HERC1: variants seen among roughly 807,000 people sequenced by gnomAD.
HERC1 encodes probable E3 ubiquitin-protein ligase HERC1.
Under a neutral mutation model 554.3 loss-of-function variants are expected in HERC1, and 160 were observed. The observed-to-expected ratio is 0.29, with a 90% confidence interval of 0.25 to 0.33. The LOEUF (loss-of-function observed/expected upper bound fraction) is 0.33, where lower values mean the gene tolerates loss of function less well. Among genes scored for constraint, HERC1 ranks in the 10% least tolerant of loss-of-function variants. The pLI is 1.00. For synonymous variants in HERC1, 2,175 were observed against 2,131.7 expected (o/e 1.02, Z -0.56); for missense variants, 4,919 against 5,918.5 (o/e 0.83, Z 5.54).
At position 63,612,885 on chromosome 15, in the gene HERC1, T is replaced by C. The variant is rs1194584062; in HGVS notation, c.14095-329A>G. Among the ~76,000 whole-genome samples the C allele has an allele frequency of 1.3e-5, 2 of 152,218 alleles. No homozygotes were observed. The highest frequency in any genetic ancestry group is 2.9e-5 in the Non-Finnish European group (2 of 68,044). On this transcript the variant is annotated intron_variant, in intron 76 of 77. Transcript: ENST00000443617. The surrounding 1 kb of genome is among the most constrained non-coding windows in gnomAD (Gnocchi z 5.0). ...CCCCACTCACTCATATTCCTAATCA[T>C]ATGTGCCCATGTGCTGTCAAACTAT... is the stretch of plus-strand genomic sequence containing the variant.
intron 74 of HERC1, among the ~76,000 whole-genome samples, chr15:63,620,252 C>T (rs2068015049): frequency 6.6e-6 from 1 of 152,062 alleles, no homozygotes; most frequent in South Asian, 2.1e-4. Context: ...TCATTATGTA[C>T]CCAGTAGTCA....
chr15:63,786,391 G>A (rs2076447089), intron 1 of HERC1, among the ~76,000 whole-genome samples: 1 of 151,512 alleles, frequency 6.6e-6, no homozygotes, highest in Non-Finnish European at 1.5e-5. Flanking sequence ...CCAACAATTC[G>A]ACTCCTAGAT....
intron 2 of HERC1, among the ~76,000 whole-genome samples, chr15:63,767,630 G>A (rs920865475): frequency 1.3e-5 from 2 of 152,010 alleles, no homozygotes; most frequent in African/African-American, 2.4e-5. Context: ...CCCAGGAGGC[G>A]GAGGCTGCAG....
At chr15:63,686,335 A>G (rs778368230) in intron 34 of HERC1, 24 bp downstream of exon 34, 4 of 1,543,056 alleles carry the variant, frequency 2.6e-6, no homozygotes, top group African/African-American at 1.4e-5. Flanking sequence ...CAAAATGCTA[A>G]AAACTATTAG....
At chr15:63,782,030 C>T (rs1337317946) in intron 1 of HERC1, among the ~76,000 whole-genome samples, 1 of 152,162 alleles carries the variant, frequency 6.6e-6, no homozygotes, top group Non-Finnish European at 1.5e-5. Flanking sequence ...AGCAGAGGTT[C>T]ACTCATGAGG....
intron 74 of HERC1, among the ~76,000 whole-genome samples, chr15:63,622,217 T>G (rs1200330342): frequency 6.6e-6 from 1 of 152,170 alleles, no homozygotes; most frequent in Non-Finnish European, 1.5e-5. Context: ...ATGTGGGCCT[T>G]CAGAAACATA....
intron 60 of HERC1, among the ~76,000 whole-genome samples, chr15:63,640,948 G>C (rs2069024334): frequency 6.6e-6 from 1 of 152,132 alleles, no homozygotes; most frequent in African/African-American, 2.4e-5. Context: ...TGGAAGACAG[G>C]CTACTTTAGG....
In HERC1 at chr15:63,626,063, G is replaced by T; in HGVS notation, c.13197C>A (p.Ala4399=). The T allele has an allele frequency of 6.2e-7, 1 of 1,613,512 alleles. No individual in the cohort carries two copies. Among genetic ancestry groups the T allele is most frequent in the Non-Finnish European group, 8.5e-7 (1 of 1,179,688 alleles). The change falls in exon 71 of 78, where the codon GCC becomes GCA. Residue 4399 remains alanine (A), a synonymous_variant. Transcript: ENST00000443617. The part of the protein sequence containing the change: ...LREVSIHTVR[A]RLRLLYHFSD... ...AGAAGTGGTAGAGCAGCCGGAGCCT[G>T]GCCCGCACCGTGTGAATGCTGACTT...
chr15:63,739,127 A>T (rs1036579823), intron 12 of HERC1, among the ~76,000 whole-genome samples: 25 of 151,960 alleles, frequency 1.6e-4, no homozygotes, highest in African/African-American at 6.0e-4. Flanking sequence ...TACCAAAAGA[A>T]AAAAAGCCGT....
intron 2 of HERC1, among the ~76,000 whole-genome samples, chr15:63,767,522 C>T (rs2075819523): frequency 6.6e-6 from 1 of 151,992 alleles, no homozygotes; most frequent in Non-Finnish European, 1.5e-5. Context: ...CATGCTGAAA[C>T]CCCATCTCTA....
At chr15:63,681,073 A>C (rs1390767628) in intron 34 of HERC1, among the ~76,000 whole-genome samples, 1 of 152,244 alleles carries the variant, frequency 6.6e-6, no homozygotes, top group East Asian at 1.9e-4. Flanking sequence ...TAGTCCAGAA[A>C]TTAATGAAAA....
chr15:63,742,712 T>C (rs1014518972), intron 12 of HERC1, among the ~76,000 whole-genome samples: 1 of 152,200 alleles, frequency 6.6e-6, no homozygotes, highest in Non-Finnish European at 1.5e-5. Context: ...TTTTTCAGCA[T>C]CCAGATAATC....
chr15:63,762,968 T>TA (rs533021547), intron 3 of HERC1, among the ~76,000 whole-genome samples: 151 of 152,286 alleles, frequency 9.9e-4, no homozygotes, highest in Middle Eastern at 3.4e-3. Context: ...ATATAAATGC[T>TA]AAACCATCAC....
intron 24 of HERC1, among the ~76,000 whole-genome samples, chr15:63,711,267 C>A (rs191022744): frequency 2.0e-5 from 3 of 152,098 alleles, no homozygotes; most frequent in Non-Finnish European, 4.4e-5. Context: ...CGAGGCTGCA[C>A]TGAGCAGCCT....
At chr15:63,685,072 T>G (rs1234807667) in intron 34 of HERC1, among the ~76,000 whole-genome samples, 1 of 152,212 alleles carries the variant, frequency 6.6e-6, no homozygotes, top group Non-Finnish European at 1.5e-5. Context: ...CACTTTAAAT[T>G]CAAACTGATT....
Position 63,721,882 on chromosome 15 carries a change from G to A in HERC1, c.3742+1300C>T, listed in dbSNP as rs146652991. Among the ~76,000 whole-genome samples, 34 of 152,110 alleles carry A rather than the reference G, an allele frequency of 2.2e-4. No homozygotes were observed. In the East Asian group the frequency reaches 6.4e-3, roughly 29 times the overall value. ...TTGTTGTTGTTGCTTGTTTTTTGAG[G>A]CAGAGTCTCACTCTGTCACTCAGGC... On this transcript the variant is annotated intron_variant, in intron 19 of 77. Transcript: ENST00000443617.
Position 63,775,481 on chromosome 15 carries a change from A to G in HERC1, c.143T>C (p.Val48Ala). 1 of 1,614,020 alleles carries G rather than the reference A, an allele frequency of 6.2e-7. No individual in the cohort carries two copies. The highest frequency in any genetic ancestry group is 1.3e-5 in the African/African-American group (1 of 75,046). ...YSKLVSNKEV[V>A]PLPQQVLCLK... The stretch of plus-strand genomic sequence containing the variant: ...GCATAAAACTTGTTGGGGCAAAGGT[A>G]CTACTTCCTTATTGCTAACCAGTTT... The change falls in exon 2 of 78, where the codon GTA (valine) becomes GCA (alanine). Residue 48 changes from valine to alanine, a missense_variant. Val to Ala is a moderately conservative substitution (Grantham distance 64). Around this residue, in one of 11 missense-constraint regions of HERC1, gnomAD observed 110 missense variants for 99.3 expected, o/e 1.11. Coordinates refer to ENST00000443617, the MANE Select transcript of HERC1 (RefSeq NM_003922.4). The surrounding 1 kb of genome is among the most constrained non-coding windows in gnomAD (Gnocchi z 4.0).
intron 50 of HERC1, among the ~76,000 whole-genome samples, chr15:63,654,723 C>T (rs1293997739): frequency 6.6e-6 from 1 of 151,352 alleles, no homozygotes; most frequent in East Asian, 2.0e-4. Context: ...ATTAGCCACA[C>T]CATGGTATGG....
rs956539682 is a variant in HERC1 at position 63,712,842 on chromosome 15, C to T, written c.4517G>A (p.Arg1506Lys). The part of the protein sequence containing the change: ...SRLVHTSPNY[R>K]LIKSRSESDL... Reference sequence around the variant, plus strand: ...AGATTCACTCCTCGATTTGATCAGTCTATAATTTGGGCTTGTGTGGACTAG... The same window carrying T: ...AGATTCACTCCTCGATTTGATCAGTTTATAATTTGGGCTTGTGTGGACTAG... Residue 1506 changes from arginine (R) to lysine (K), a missense_variant, in exon 24 of 78, where the codon AGA becomes AAA. By Grantham distance (26) the Arg-to-Lys change is conservative. Coordinates refer to ENST00000443617, the MANE Select transcript of HERC1 (RefSeq NM_003922.4). 6.2e-7 allele frequency: 1 copy of T among 1,613,482 alleles called. No homozygotes were observed. The highest frequency in any genetic ancestry group is 1.3e-5 in the African/African-American group (1 of 74,870).
Sources: allele counts gnomAD v4.1 joint callset (sites outside exome capture counted in the v4.1 genomes callset), GRCh38; gene constraint gnomAD v4.1.1; regional missense constraint gnomAD v4.1.1; non-coding constraint Gnocchi (gnomAD v3.1); transcripts MANE v1.5; gene names NCBI Gene and HGNC (gene_info 2026-07-23, HGNC 2026-07-21).